WWOX: variants seen among roughly 807,000 people sequenced by gnomAD.
WWOX encodes the protein WW domain containing oxidoreductase.
WWOX carries 69 observed loss-of-function variants against 46.2 expected under a neutral mutation model. The observed-to-expected ratio is 1.49, with a 90% CI of 1.23 to 1.82. The LOEUF is 1.82. WWOX is among the 40% of genes most tolerant of loss of function. The pLI is 0.00. For missense variants in WWOX, 919 were observed against 542.6 expected (o/e 1.69, Z -6.89); for synonymous variants, 359 against 202.6 (o/e 1.77, Z -6.56).
At chr16:79,165,586 T>C (rs543680853) in intron 8 of WWOX, among the ~76,000 whole-genome samples, 2 of 152,332 alleles carry the variant, frequency 1.3e-5, no homozygotes, top group South Asian at 4.1e-4. Flanking sequence ...CTGTTCCCTC[T>C]TTGCTAGTTC....
intron 5 of WWOX, among the ~76,000 whole-genome samples, chr16:78,385,644 C>G (rs1284815929): frequency 2.6e-5 from 4 of 152,270 alleles, no homozygotes; most frequent in Middle Eastern, 3.4e-3. Flanking sequence ...CAGCTCCTGT[C>G]CATCCCTGAA....
At chr16:78,759,339 C>T (rs1008041927) in intron 8 of WWOX, among the ~76,000 whole-genome samples, 1 of 152,154 alleles carries the variant, frequency 6.6e-6, no homozygotes, top group African/African-American at 2.4e-5. Context: ...CCATAAAGAG[C>T]CAGGCAAGGC....
At position 78,887,276 on chromosome 16, in the gene WWOX, C is replaced by G. The variant is rs150838640; in HGVS notation, c.1057-324332C>G. Among the ~76,000 whole-genome samples the G allele has an allele frequency of 3.1e-3, 468 of 152,016 alleles. 1 individual carries two copies. Among genetic ancestry groups the G allele is most frequent in the Middle Eastern group, 6.8e-3 (2 of 292 alleles). On this transcript the variant is annotated intron_variant, in intron 8 of 8. Coordinates refer to ENST00000566780, the MANE Select transcript of WWOX (RefSeq NM_016373.4). ...ATGCTATTTCATTATACCAGCAATT[C>G]CCCTGTGGATTTCTCCTGACTCTCT...
chr16:78,964,905 G>A (rs1384349817), intron 8 of WWOX, among the ~76,000 whole-genome samples: 1 of 152,250 alleles, frequency 6.6e-6, no homozygotes, highest in Non-Finnish European at 1.5e-5. Context: ...TGGCTTCAGA[G>A]GGTGGAAGCC....
Position 78,923,074 on chromosome 16 carries a change from TG to T in WWOX, c.1057-288531del, listed in dbSNP as rs534706318. On this transcript the variant is annotated intron_variant, in intron 8 of 8. Coordinates refer to ENST00000566780, the MANE Select transcript of WWOX (RefSeq NM_016373.4). ...TTGGTCCACCTCAACCTCTGCCTCT[TG>T]GGTTCAAGTGATTCTCCTGCCTCAG... 4.3e-3 allele frequency among the ~76,000 whole-genome samples: 648 copies of T among 151,714 alleles called. 6 individuals carry two copies. The highest frequency in any genetic ancestry group is 0.015 in the African/African-American group (631 of 41,394).
At chr16:78,928,425 A>G (rs944810290) in intron 8 of WWOX, among the ~76,000 whole-genome samples, 1 of 151,724 alleles carries the variant, frequency 6.6e-6, no homozygotes, top group Non-Finnish European at 1.5e-5. Flanking sequence ...GATGGTCTCG[A>G]TCTCCTGACC....
chr16:78,469,045 T>G (rs1352890522), intron 8 of WWOX, among the ~76,000 whole-genome samples: 2 of 152,214 alleles, frequency 1.3e-5, no homozygotes, highest in Non-Finnish European at 2.9e-5. Context: ...TAGATTGATT[T>G]TGTTGTAACA....
At chr16:79,104,575 C>A (rs1295899177) in intron 8 of WWOX, among the ~76,000 whole-genome samples, 2 of 152,080 alleles carry the variant, frequency 1.3e-5, no homozygotes, top group Admixed American at 1.3e-4. Context: ...AGTATTGATA[C>A]AAAAATACGC....
chr16:78,144,454 TATATATATACACAC>T lies in WWOX; in HGVS notation c.410-19719_410-19706del, dbSNP rs1443136794. ...CTATATATATATATATATACACATATATATATATACACACATATATATATATATATATACACACA... is the reference window on the plus strand; with the variant it reads ...CTATATATATATATATATACACATATATATATATATATATATATACACACA... On this transcript the variant is annotated intron_variant, in intron 4 of 8. Transcript: ENST00000566780. Among the ~76,000 whole-genome samples the T allele has an allele frequency of 3.2e-3, 109 of 34,430 alleles. 12 individuals are homozygous for T. Among genetic ancestry groups the T allele is most frequent in the African/African-American group, 0.01 (93 of 8,956 alleles). The allele number at this position is 34,430 out of a possible 152,430, so 22.6% of individuals were successfully genotyped here. A position where few individuals can be genotyped will look rare whatever the true frequency, so the allele number is the denominator to read the frequency against.
chr16:79,198,403 C>A lies in WWOX; in HGVS notation c.1057-13205C>A, dbSNP rs372796914. ...CAAGTAAAGAAAATAAATCCTCCCGCTTTTTTTGCTCCTTCATGGGTATGG... is the reference window on the plus strand; with the variant it reads ...CAAGTAAAGAAAATAAATCCTCCCGATTTTTTTGCTCCTTCATGGGTATGG... On this transcript the variant is annotated intron_variant, in intron 8 of 8. Coordinates refer to ENST00000566780, the MANE Select transcript of WWOX (RefSeq NM_016373.4). 1.6e-4 allele frequency among the ~76,000 whole-genome samples: 24 copies of A among 152,224 alleles called. 1 individual carries two copies. The highest frequency in any genetic ancestry group is 5.8e-4 in the African/African-American group (24 of 41,532).
intron 8 of WWOX, among the ~76,000 whole-genome samples, chr16:78,901,613 G>A (rs1247924409): frequency 6.6e-6 from 1 of 152,180 alleles, no homozygotes; most frequent in Non-Finnish European, 1.5e-5. Context: ...TCAGCCTCCT[G>A]AGTAACTAGG....
intron 8 of WWOX, among the ~76,000 whole-genome samples, chr16:78,900,539 G>C (rs761264496): frequency 9.2e-5 from 14 of 152,156 alleles, no homozygotes; most frequent in Non-Finnish European, 2.1e-4. Context: ...TTTCTAAGCA[G>C]AGGTTCCAAT....
intron 5 of WWOX, among the ~76,000 whole-genome samples, chr16:78,371,660 C>T (rs1330770297): frequency 6.6e-6 from 1 of 152,030 alleles, no homozygotes; most frequent in African/African-American, 2.4e-5. Context: ...TTATTTTTCC[C>T]TTTATGCATC....
chr16:78,703,772 G>T (rs756695797), intron 8 of WWOX, among the ~76,000 whole-genome samples: 5 of 151,982 alleles, frequency 3.3e-5, no homozygotes, highest in South Asian at 2.1e-4. Context: ...CACTGATTTT[G>T]ACTTCACAGG....
chr16:78,181,026 C>CT (rs2035516685), intron 5 of WWOX, among the ~76,000 whole-genome samples: 1 of 152,184 alleles, frequency 6.6e-6, no homozygotes, highest in African/African-American at 2.4e-5. Flanking sequence ...GTTGGCTTTG[C>CT]TTCTAATATC....
chr16:78,978,516 G>C (rs891658662), intron 8 of WWOX, among the ~76,000 whole-genome samples: 1 of 152,184 alleles, frequency 6.6e-6, no homozygotes, highest in South Asian at 2.1e-4. Context: ...TTCTGGCACT[G>C]CTATAAAGAA....
chr16:78,500,801 C>G (rs1301818545), intron 8 of WWOX, among the ~76,000 whole-genome samples: 2 of 152,182 alleles, frequency 1.3e-5, no homozygotes, highest in Admixed American at 1.3e-4. Flanking sequence ...CCAAAATTGT[C>G]ATTGATCAGT....
At chr16:78,142,644 C>T (rs1034878328) in intron 4 of WWOX, among the ~76,000 whole-genome samples, 6 of 152,094 alleles carry the variant, frequency 3.9e-5, no homozygotes, top group African/African-American at 9.7e-5. Flanking sequence ...ATAAATAAAT[C>T]GTTTTCCTTG....
chr16:79,108,644 G>A (rs1391891120), intron 8 of WWOX, among the ~76,000 whole-genome samples: 1 of 152,220 alleles, frequency 6.6e-6, no homozygotes, highest in Non-Finnish European at 1.5e-5. Context: ...GCTCAAGCCT[G>A]TAATCCTAGC....
Sources: gnomAD v4.1 joint callset for allele counts (sites outside exome capture counted in the v4.1 genomes callset) on GRCh38, gnomAD v4.1.1 for gene constraint, MANE v1.5 for transcripts, NCBI Gene and HGNC (gene_info 2026-07-23, HGNC 2026-07-21) for gene names.